The following ITPR2 variants were observed in gnomAD, a reference collection of about 807,000 sequenced individuals.
ITPR2 encodes the protein inositol 1,4,5-trisphosphate receptor type 2.
A neutral mutation model predicts 317.1 loss-of-function variants in ITPR2; 207 were observed. The ratio of observed to expected loss-of-function variants is 0.65; its 90% CI spans 0.58 to 0.73. The LOEUF (loss-of-function observed/expected upper bound fraction) is 0.73, where lower values mean the gene tolerates loss of function less well. ITPR2 is among the 30% of genes least tolerant of loss of function. The pLI, the probability that ITPR2 is intolerant of heterozygous loss-of-function variation, is 0.00. For missense variants in ITPR2, 2,613 were observed against 3,284.0 expected, an observed-to-expected ratio of 0.80 and a Z score of 4.99; for synonymous variants, 1,156 against 1,149.1, an observed-to-expected ratio of 1.01 and a Z score of -0.12.
At chr12:26,704,789 C>T (rs937118027) in intron 9 of ITPR2, among the ~76,000 whole-genome samples, 1 of 151,976 alleles carries the variant, frequency 6.6e-6, no homozygotes, top group African/African-American at 2.4e-5. Flanking sequence ...AACTCAGGTC[C>T]AGAGGGGTTA....
intron 55 of ITPR2, among the ~76,000 whole-genome samples, chr12:26,375,782 T>A (rs1320190133): frequency 6.6e-6 from 1 of 152,212 alleles, no homozygotes; most frequent in African/African-American, 2.4e-5. Context: ...CTTTACTGAG[T>A]ATCTAATATA....
chr12:26,437,927 G>A (rs1049370744), intron 47 of ITPR2, among the ~76,000 whole-genome samples: 1 of 151,806 alleles, frequency 6.6e-6, no homozygotes, highest in Non-Finnish European at 1.5e-5. Context: ...TCAGCCTCCC[G>A]AGTAGCTGGG....
chr12:26,616,130 T>A (rs12370002), intron 26 of ITPR2, among the ~76,000 whole-genome samples: 1 of 84,876 alleles, frequency 1.2e-5, no homozygotes, highest in African/African-American at 6.6e-5. Context: ...TTATTTATTT[T>A]TATTTTATTT....
intron 32 of ITPR2, among the ~76,000 whole-genome samples, chr12:26,593,856 T>C (rs1945769784): frequency 6.6e-6 from 1 of 152,224 alleles, no homozygotes; most frequent in Admixed American, 6.5e-5. Flanking sequence ...TCATTGGCTT[T>C]CTTTGGTTTA....
intron 2 of ITPR2, among the ~76,000 whole-genome samples, chr12:26,778,094 A>G (rs1592119466): frequency 6.6e-6 from 1 of 152,182 alleles, no homozygotes; most frequent in East Asian, 1.9e-4. Flanking sequence ...TCATTTTCCC[A>G]CTGCCAGAAT....
At position 26,681,959 on chromosome 12, in the gene ITPR2, A is replaced by T; in HGVS notation, c.1324T>A (p.Leu442Ile). The T allele has an allele frequency of 6.2e-7, 1 of 1,613,776 alleles. No individual in the cohort carries two copies. The highest frequency in any genetic ancestry group is 8.5e-7 in the Non-Finnish European group (1 of 1,179,724). ...TTATTGGCATCATTGGCAAAGTCTA[A>T]GTCTCGAACTTCAGACAGTGGAACA... Reference protein sequence around the residue: ...VSVPLSEVRDLDFANDANKVL... With the variant: ...VSVPLSEVRDIDFANDANKVL... Residue 442 changes from leucine (L) to isoleucine (I), a missense_variant, in exon 13 of 57, where the codon TTA (leucine) becomes ATA (isoleucine). This residue lies in a region of ITPR2 where 515 missense variants were observed against 789.4 expected (regional missense o/e 0.65). Coordinates refer to ENST00000381340, the MANE Select transcript of ITPR2 (RefSeq NM_002223.4).
rs1462215585 is a variant in ITPR2, at chr12:26,483,685, T to A, written c.6012+13A>T. Reference sequence around the variant, plus strand: ...AATCCCTTTACTAATTAGTCATGGATACTTCTGGTTACCTGATTTTCATGG... The same window carrying A: ...AATCCCTTTACTAATTAGTCATGGAAACTTCTGGTTACCTGATTTTCATGG... On this transcript the variant is annotated intron_variant, in intron 42 of 56. Transcript: ENST00000381340. The A allele has an allele frequency of 5.6e-6, 9 of 1,599,372 alleles. No homozygotes were observed. In the East Asian group the frequency reaches 2.0e-4, roughly 36 times the overall value.
chr12:26,594,272 C>T (rs969448827), intron 32 of ITPR2, among the ~76,000 whole-genome samples: 3 of 151,754 alleles, frequency 2.0e-5, no homozygotes, highest in Non-Finnish European at 4.4e-5. Flanking sequence ...GTAAACTAAG[C>T]ACATTTCACT....
chr12:26,484,433 A>G (rs1428721668), intron 41 of ITPR2, among the ~76,000 whole-genome samples: 1 of 152,162 alleles, frequency 6.6e-6, no homozygotes, highest in Non-Finnish European at 1.5e-5. Context: ...TTAAGTTAAC[A>G]TACAGCTCCA....
At chr12:26,372,781 T>C (rs1009575883) in intron 55 of ITPR2, among the ~76,000 whole-genome samples, 9 of 152,200 alleles carry the variant, frequency 5.9e-5, no homozygotes, top group African/African-American at 2.2e-4. Flanking sequence ...ATTTTCAAAC[T>C]GGGTTTAGTG....
rs138644139 is a variant in ITPR2 at position 26,521,262 on chromosome 12, G to A, written c.5074-26002C>T. Reference sequence around the variant, plus strand: ...TCTTAACTGAAGTTCAGAAAACCATGATACTGTATTATTATTTATTTTTAT... The same window carrying A: ...TCTTAACTGAAGTTCAGAAAACCATAATACTGTATTATTATTTATTTTTAT... On this transcript the variant is annotated intron_variant, in intron 37 of 56. Transcript: ENST00000381340. 5.5e-3 allele frequency among the ~76,000 whole-genome samples: 834 copies of A among 152,148 alleles called. 9 individuals carry two copies. The highest frequency in any genetic ancestry group is 0.019 in the African/African-American group (792 of 41,508).
At chr12:26,781,992 GTATATATATATATATATATATA>G (rs1161714052) in intron 2 of ITPR2, among the ~76,000 whole-genome samples, 4 of 56,968 alleles carry the variant, frequency 7.0e-5, no homozygotes, top group African/African-American at 2.2e-4. Flanking sequence ...AAACTCCCCT[GTATATATATATATATATATATA>G]TATATATATA....
chr12:26,497,686 C>T (rs567955877), intron 37 of ITPR2, among the ~76,000 whole-genome samples: 1 of 151,628 alleles, frequency 6.6e-6, no homozygotes, highest in Admixed American at 6.6e-5. Flanking sequence ...ACTAACATGT[C>T]CTAAATGTCA....
intron 9 of ITPR2, among the ~76,000 whole-genome samples, chr12:26,696,238 T>C (rs1452809670): frequency 6.6e-6 from 1 of 152,154 alleles, no homozygotes; most frequent in Non-Finnish European, 1.5e-5. Flanking sequence ...CCTTGCATCA[T>C]CTGGCTGGTT....
chr12:26,832,913 C>T lies in ITPR2; in HGVS notation c.-132G>A. The stretch of plus-strand genomic sequence containing the variant: ...CGGCCAAGAGCCGCGGCGGAGGGCA[C>T]GGCCCGAGCCACTGAGCGTCGCGGC... On this transcript the variant is annotated 5_prime_UTR_variant, in exon 1 of 57. The change creates a new upstream start codon in the 5' untranslated region. Coordinates refer to ENST00000381340, the MANE Select transcript of ITPR2 (RefSeq NM_002223.4). The T allele has an allele frequency of 2.9e-6, 2 of 683,736 alleles. No individual in the cohort carries two copies. The highest frequency in any genetic ancestry group is 4.9e-6 in the Non-Finnish European group (2 of 406,400). 42.4% of individuals were successfully genotyped at this position (683,736 alleles called of 1,614,324 possible). A position where few individuals can be genotyped will look rare whatever the true frequency, so the allele number is the denominator to read the frequency against.
At chr12:26,625,492 AT>A (rs1946603362) in intron 23 of ITPR2, among the ~76,000 whole-genome samples, 1 of 152,184 alleles carries the variant, frequency 6.6e-6, no homozygotes, top group Admixed American at 6.5e-5. Context: ...AATTAAAAAA[AT>A]TTAAGTCAAT....
At chr12:26,558,151 A>G (rs1944714102) in intron 35 of ITPR2, among the ~76,000 whole-genome samples, 2 of 152,374 alleles carry the variant, frequency 1.3e-5, no homozygotes, top group Middle Eastern at 6.8e-3. Context: ...GGAAAACTAG[A>G]TATTATATAA....
chr12:26,475,456 C>G, intron 44 of ITPR2, 38 bp from the exon 45 acceptor site: 1 of 1,595,916 alleles, frequency 6.3e-7, no homozygotes, highest in Non-Finnish European at 8.5e-7. Flanking sequence ...ATGCCAGAAA[C>G]AACATCTGCT....
chr12:26,636,495 A>T (rs1231921670), intron 21 of ITPR2, among the ~76,000 whole-genome samples: 2 of 152,220 alleles, frequency 1.3e-5, no homozygotes, highest in Non-Finnish European at 2.9e-5. Flanking sequence ...AGATTGGATA[A>T]CAAAATGAAC....
Sources: allele counts gnomAD v4.1 joint callset (sites outside exome capture counted in the v4.1 genomes callset), GRCh38; gene constraint gnomAD v4.1.1; regional missense constraint gnomAD v4.1.1; transcripts MANE v1.5; gene names NCBI Gene and HGNC (gene_info 2026-07-23, HGNC 2026-07-21).